Variants in SYT1 observed in about 807,000 individuals in gnomAD.
SYT1 encodes synaptotagmin-1.
SYT1 carries 8 observed loss-of-function variants against 44.8 expected under a neutral mutation model. That is an observed-to-expected ratio of 0.18 (90% CI 0.10 to 0.32). The LOEUF (loss-of-function observed/expected upper bound fraction) is 0.32. SYT1 is among the 10% of genes least tolerant of loss of function. SYT1 has a pLI of 1.00. For synonymous variants in SYT1, 154 were observed against 188.8 expected, an observed-to-expected ratio of 0.82 and a Z score of 1.51; for missense variants, 286 against 509.3, an observed-to-expected ratio of 0.56 and a Z score of 4.22.
chr12:78,977,388 C>T (rs1360213720), intron 1 of SYT1: 1 of 152,148 alleles, frequency 6.6e-6, no homozygotes, highest in Non-Finnish European at 1.5e-5. Context: ...GGATAGCACT[C>T]CAGTATCCTA....
intron 1 of SYT1, among the ~76,000 whole-genome samples, chr12:78,876,889 A>ATTT: frequency 1.7e-5 from 1 of 58,316 alleles, no homozygotes; most frequent in Non-Finnish European, 3.1e-5. Context: ...TATTATATAT[A>ATTT]ATATATATTA....
chr12:79,163,426 T>G (rs1555203338), intron 3 of SYT1, among the ~76,000 whole-genome samples: 1 of 152,114 alleles, frequency 6.6e-6, no homozygotes, highest in Non-Finnish European at 1.5e-5. Context: ...GTATCAATAA[T>G]GAAAGTAGCT....
chr12:78,903,402 C>A (rs116531774), intron 1 of SYT1, among the ~76,000 whole-genome samples: 1 of 152,036 alleles, frequency 6.6e-6, no homozygotes, highest in Admixed American at 6.6e-5. Flanking sequence ...CGTCCTGCCT[C>A]AGCCTCCTGT....
At chr12:79,391,770 T>A (rs1167884835) in intron 9 of SYT1, among the ~76,000 whole-genome samples, 1 of 152,194 alleles carries the variant, frequency 6.6e-6, no homozygotes, top group African/African-American at 2.4e-5. Context: ...ATAAATAGAT[T>A]TATTTTTGTT....
At chr12:79,040,770 G>A (rs1201953685) in intron 2 of SYT1, among the ~76,000 whole-genome samples, 1 of 152,214 alleles carries the variant, frequency 6.6e-6, no homozygotes, top group East Asian at 1.9e-4. Context: ...TAACGTTTAA[G>A]TCTTTAATCC....
At chr12:79,352,195 C>A (rs572331701) in intron 8 of SYT1, among the ~76,000 whole-genome samples, 2 of 140,522 alleles carry the variant, frequency 1.4e-5, no homozygotes, top group East Asian at 1.9e-4. Context: ...CACCCCCCCC[C>A]CAAAAAAAAA....
At chr12:79,223,346 G>A (rs1486134054) in intron 4 of SYT1, among the ~76,000 whole-genome samples, 1 of 152,100 alleles carries the variant, frequency 6.6e-6, no homozygotes, top group African/African-American at 2.4e-5. Flanking sequence ...CCAGAGCCTG[G>A]GGCCCACTGT....
intron 9 of SYT1, among the ~76,000 whole-genome samples, chr12:79,356,335 T>G (rs1883111156): frequency 6.6e-6 from 1 of 152,004 alleles, no homozygotes. Flanking sequence ...TTTACACCCC[T>G]CAAACATCAT....
At position 78,953,529 on chromosome 12, in the gene SYT1, G is replaced by A. The variant is rs958179442; in HGVS notation, c.-216-24270G>A. On this transcript the variant is annotated intron_variant, in intron 1 of 10. Coordinates refer to ENST00000261205, the MANE Select transcript of SYT1 (RefSeq NM_005639.3). The stretch of plus-strand genomic sequence containing the variant: ...TCGCCCAATCCTAAAGTCTTGCCCC[G>A]TTTAAGGAGCTTTGAGGTATTATTG... Among the ~76,000 whole-genome samples the A allele has an allele frequency of 4.6e-5, 7 of 152,034 alleles. No homozygotes were observed. In the South Asian group the frequency reaches 8.3e-4, roughly 18 times the overall value.
intron 4 of SYT1, among the ~76,000 whole-genome samples, chr12:79,282,478 T>C (rs2400393): frequency 0.34 from 52,365 of 152,044 alleles, 9,403 homozygotes; most frequent in East Asian, 0.59. Context: ...AATGTTAAAA[T>C]TGTTATTATA....
chr12:79,181,261 A>G (rs971459440), intron 3 of SYT1, among the ~76,000 whole-genome samples: 1 of 152,114 alleles, frequency 6.6e-6, no homozygotes, highest in African/African-American at 2.4e-5. Flanking sequence ...GGTTCAAATG[A>G]TATCAGTATT....
At chr12:78,942,812 G>C (rs980794047) in intron 1 of SYT1, among the ~76,000 whole-genome samples, 27 of 152,096 alleles carry the variant, frequency 1.8e-4, no homozygotes, top group African/African-American at 5.8e-4. Flanking sequence ...GCCGAGGGTC[G>C]ACAGAAAGGA....
At chr12:78,955,800 TTGTGTGTG>T (rs60111282) in intron 1 of SYT1, among the ~76,000 whole-genome samples, 9 of 138,628 alleles carry the variant, frequency 6.5e-5, no homozygotes, top group African/African-American at 2.2e-4. Flanking sequence ...GCCAAGATAT[TTGTGTGTG>T]TGTGTGTGTG....
intron 9 of SYT1, among the ~76,000 whole-genome samples, chr12:79,396,151 A>T (rs540330511): frequency 8.5e-5 from 13 of 152,344 alleles, no homozygotes; most frequent in African/African-American, 3.1e-4. Context: ...TATAAGGTCC[A>T]AAGAGTATGC....
intron 1 of SYT1, among the ~76,000 whole-genome samples, chr12:78,909,325 C>T (rs1215780155): frequency 6.6e-6 from 1 of 151,738 alleles, no homozygotes; most frequent in South Asian, 2.1e-4. Flanking sequence ...TGCTTTGCTT[C>T]GTCTGTTTCC....
At chr12:79,333,442 C>T (rs1881947519) in intron 8 of SYT1, among the ~76,000 whole-genome samples, 1 of 152,108 alleles carries the variant, frequency 6.6e-6, no homozygotes, top group Non-Finnish European at 1.5e-5. Context: ...ATGAATTCTG[C>T]GGAGGAGACA....
chr12:78,992,768 C>T (rs1017403241), intron 2 of SYT1, among the ~76,000 whole-genome samples: 10 of 152,148 alleles, frequency 6.6e-5, no homozygotes, highest in African/African-American at 2.4e-4. Flanking sequence ...TTTGGGCAGT[C>T]TTCTTGCTGT....
chr12:79,092,784 C>CTA (rs1239792213), intron 3 of SYT1, among the ~76,000 whole-genome samples: 1 of 151,556 alleles, frequency 6.6e-6, no homozygotes, highest in East Asian at 1.9e-4. Flanking sequence ...CAATTTGGGG[C>CTA]TATAACTGAC....
At chr12:78,951,707 G>A (rs1878975704) in intron 1 of SYT1, among the ~76,000 whole-genome samples, 1 of 152,128 alleles carries the variant, frequency 6.6e-6, no homozygotes, top group Non-Finnish European at 1.5e-5. Flanking sequence ...TCAGTACAGT[G>A]AACAAGTTAG....
Sources: allele counts gnomAD v4.1 joint callset (sites outside exome capture counted in the v4.1 genomes callset), GRCh38; gene constraint gnomAD v4.1.1; transcripts MANE v1.5; gene names NCBI Gene and HGNC (gene_info 2026-07-23, HGNC 2026-07-21).